ZNF398: variants seen among roughly 807,000 people sequenced by gnomAD.
ZNF398 encodes zinc finger protein 398.
In ZNF398, 18 loss-of-function variants were observed where a neutral mutation model predicts 41.9. The observed-to-expected ratio is 0.43, with a 90% confidence interval of 0.30 to 0.64. The LOEUF (loss-of-function observed/expected upper bound fraction) is 0.64, where lower values mean the gene tolerates loss of function less well. Ranked by LOEUF, ZNF398 falls within the 30% of genes least tolerant of loss-of-function variation. The pLI is 0.14. For synonymous variants in ZNF398, 260 were observed against 308.8 expected, an observed-to-expected ratio of 0.84 and a Z score of 1.66; for missense variants, 669 against 822.8, an observed-to-expected ratio of 0.81 and a Z score of 2.29.
At chr7:149,155,072 A>G (rs143330063) in intron 2 of ZNF398, among the ~76,000 whole-genome samples, 5,580 of 151,176 alleles carry the variant, frequency 0.037, 336 homozygotes, top group African/African-American at 0.13. Context: ...GGATCTCCTG[A>G]GGTCAGGAGT....
At chr7:149,165,102 AAAAG>A (rs1795199994) in intron 2 of ZNF398, among the ~76,000 whole-genome samples, 1 of 150,510 alleles carries the variant, frequency 6.6e-6, no homozygotes, top group African/African-American at 2.4e-5. Context: ...CTAAAAAAAA[AAAAG>A]AAAAGAAAGA....
intron 2 of ZNF398, among the ~76,000 whole-genome samples, chr7:149,133,706 C>T (rs59106234): frequency 0.31 from 12,460 of 40,700 alleles, 1,634 homozygotes; most frequent in East Asian, 0.48. Context: ...TATATATATA[C>T]ACACATATAT....
intron 2 of ZNF398, among the ~76,000 whole-genome samples, chr7:149,163,254 G>T (rs922648918): frequency 1.3e-5 from 2 of 152,202 alleles, no homozygotes; most frequent in Non-Finnish European, 2.9e-5. Context: ...GCCCAGGCTG[G>T]AGTGCAGTGG....
chr7:149,151,279 GC>G, intron 1 of ZNF398: 1 of 1,246,760 alleles, frequency 8.0e-7, no homozygotes, highest in Non-Finnish European at 1.0e-6. Context: ...GGTTAGCTGA[GC>G]AGGTGAGGCA....
At position 149,167,638 on chromosome 7, in the gene ZNF398, T is replaced by C. The variant is rs575131769; in HGVS notation, c.661+708T>C. Among the ~76,000 whole-genome samples, 214 of 147,726 alleles carry C rather than the reference T, an allele frequency of 1.4e-3. 3 individuals are homozygous for C. Among genetic ancestry groups the C allele is most frequent in the African/African-American group, 4.9e-3 (199 of 40,392 alleles). On this transcript the variant is annotated intron_variant, in intron 4 of 5. Transcript: ENST00000475153. ...TTATTTTTTTCTTTTTCTTTTCTTT[T>C]TTTTTTTTTTTTTTGAGACGGAGTC...
At chr7:149,164,951 G>C (rs2129521067) in intron 2 of ZNF398, among the ~76,000 whole-genome samples, 1 of 152,102 alleles carries the variant, frequency 6.6e-6, no homozygotes, top group Non-Finnish European at 1.5e-5. Context: ...AGAATTAGCG[G>C]TGTGTGGTGG....
At chr7:149,133,021 A>G (rs1826629948) in intron 2 of ZNF398, among the ~76,000 whole-genome samples, 1 of 151,972 alleles carries the variant, frequency 6.6e-6, no homozygotes, top group African/African-American at 2.4e-5. Flanking sequence ...TAACTCCTAT[A>G]TCAGCGGTGA....
chr7:149,138,389 G>A (rs952975219), intron 2 of ZNF398, among the ~76,000 whole-genome samples: 7 of 152,012 alleles, frequency 4.6e-5, no homozygotes, highest in Non-Finnish European at 8.8e-5. Flanking sequence ...AGACCAGCCT[G>A]GACAACATGG....
Position 149,183,039 on chromosome 7 carries a change from A to AG in ZNF398, c.*3238_*3239insG, listed in dbSNP as rs1423657722. On this transcript the variant is annotated 3_prime_UTR_variant, in exon 6 of 6. Coordinates refer to ENST00000475153, the MANE Select transcript of ZNF398 (RefSeq NM_170686.3). ...TCGTTGATATTAAAAAAAAAAAAAA[A>AG]AAAGGACCTCATTCCAAATGGAATG... Among the ~76,000 whole-genome samples the AG allele has an allele frequency of 6.6e-6, 1 of 150,938 alleles. No individual in the cohort carries two copies. Among genetic ancestry groups the AG allele is most frequent in the Non-Finnish European group, 1.5e-5 (1 of 67,722 alleles).
chr7:149,147,777 C>T lies in ZNF398; in HGVS notation c.24+11C>T, dbSNP rs1439795123. On this transcript the variant is annotated intron_variant, in intron 1 of 5. Coordinates refer to ENST00000475153, the MANE Select transcript of ZNF398 (RefSeq NM_170686.3). This position sits in a 1 kb window ranked among gnomAD's most constrained non-coding sequence, Gnocchi z 5.6. The stretch of plus-strand genomic sequence containing the variant: ...GCGGCCCCGGCCCCGGTAAGGGCGG[C>T]CGCGCGCGAGTGTTGTGAGCCCCCG... The T allele has an allele frequency of 1.4e-6, 2 of 1,393,646 alleles. No individual in the cohort carries two copies. Among genetic ancestry groups the T allele is most frequent in the Non-Finnish European group, 1.9e-6 (2 of 1,071,674 alleles). The allele number at this position is 1,393,646 out of a possible 1,614,324, so 86.3% of individuals were successfully genotyped here. A position where few individuals can be genotyped will look rare whatever the true frequency, so the allele number is the denominator to read the frequency against.
At chr7:149,131,881 T>A (rs565044857) in intron 2 of ZNF398, among the ~76,000 whole-genome samples, 54 of 152,326 alleles carry the variant, frequency 3.5e-4, no homozygotes, top group African/African-American at 1.2e-3. Context: ...TTTGACACTT[T>A]TAAACAGTTT....
chr7:149,148,263 G>A (rs576527796), intron 1 of ZNF398: 1 of 185,234 alleles, frequency 5.4e-6, no homozygotes, highest in Non-Finnish European at 1.0e-5. Flanking sequence ...AGGCCCTCCC[G>A]AAATAGCTGC....
chr7:149,138,155 C>A (rs1159899660), intron 2 of ZNF398, among the ~76,000 whole-genome samples: 1 of 145,862 alleles, frequency 6.9e-6, no homozygotes, highest in Non-Finnish European at 1.5e-5. Flanking sequence ...GAGCTGAGAT[C>A]AGGCCATTGC....
intron 2 of ZNF398, among the ~76,000 whole-genome samples, chr7:149,136,922 A>G (rs1419083885): frequency 6.8e-6 from 1 of 147,898 alleles, no homozygotes; most frequent in African/African-American, 2.5e-5. Flanking sequence ...GATGGAGTGC[A>G]ATGGCATGGT....
chr7:149,144,508 C>A (rs1826891953), upstream of ZNF398, among the ~76,000 whole-genome samples: 1 of 152,106 alleles, frequency 6.6e-6, no homozygotes, highest in South Asian at 2.1e-4. Flanking sequence ...AGGGTCCCAC[C>A]AGGTTGCCCT....
chr7:149,162,766 T>C (rs1345902032), intron 2 of ZNF398, among the ~76,000 whole-genome samples: 2 of 151,968 alleles, frequency 1.3e-5, no homozygotes, highest in African/African-American at 4.8e-5. Flanking sequence ...ATTAAAATAA[T>C]TCATAGGCTG....
At position 149,180,883 on chromosome 7, in the gene ZNF398, T is replaced by C. The variant is rs575988294; in HGVS notation, c.*1082T>C. ...AGCTTCCTTGAGCCATCAGAGAGAG[T>C]GTATGTTCACCCTATCTGGCTGTAT... On this transcript the variant is annotated 3_prime_UTR_variant, in exon 6 of 6. Coordinates refer to ENST00000475153, the MANE Select transcript of ZNF398 (RefSeq NM_170686.3). 5 of 152,118 alleles carry C rather than the reference T, an allele frequency of 3.3e-5. No homozygotes were observed. The highest frequency in any genetic ancestry group is 4.4e-5 in the Non-Finnish European group (3 of 68,010). 9.4% of individuals were successfully genotyped at this position (152,118 alleles called of 1,614,324 possible). A position where few individuals can be genotyped will look rare whatever the true frequency, so the allele number is the denominator to read the frequency against.
intron 3 of ZNF398, 118 bp downstream of exon 3, chr7:149,166,402 G>T: frequency 7.7e-7 from 1 of 1,298,838 alleles, no homozygotes; most frequent in Non-Finnish European, 1.1e-6. Flanking sequence ...TCAAATTCTG[G>T]TTTCAAGCCA....
Position 149,173,682 on chromosome 7 carries a change from G to A in ZNF398, c.662-2786G>A, listed in dbSNP as rs1477493321. 2.6e-5 allele frequency among the ~76,000 whole-genome samples: 4 copies of A among 151,894 alleles called. No individual in the cohort carries two copies. In the South Asian group the frequency reaches 6.2e-4, roughly 24 times the overall value. ...TTCTTCTGAGCAGTAGTTCTGAACA[G>A]TGGGCTTAAAATATTCTGTAAACCG... On this transcript the variant is annotated intron_variant, in intron 4 of 5. Transcript: ENST00000475153.
Sources: gnomAD v4.1 joint callset for allele counts (sites outside exome capture counted in the v4.1 genomes callset) on GRCh38, gnomAD v4.1.1 for gene constraint, Gnocchi (gnomAD v3.1) non-coding constraint, MANE v1.5 for transcripts, NCBI Gene and HGNC (gene_info 2026-07-23, HGNC 2026-07-21) for gene names.